The following TTC28 variants were observed in gnomAD, a reference collection of about 807,000 sequenced individuals.
The protein encoded by TTC28 is tetratricopeptide repeat protein 28.
A neutral mutation model predicts 198.0 loss-of-function variants in TTC28; 61 were observed. The ratio of observed to expected loss-of-function variants is 0.31; its 90% CI spans 0.25 to 0.38. TTC28 has a LOEUF of 0.38. Ranked by LOEUF, TTC28 falls within the 10% of genes least tolerant of loss-of-function variation. TTC28 has a pLI of 1.00. For missense variants in TTC28, 2,678 were observed against 3,164.0 expected, an observed-to-expected ratio of 0.85 and a Z score of 3.69; for synonymous variants, 1,171 against 1,297.8, an observed-to-expected ratio of 0.90 and a Z score of 2.10.
intron 2 of TTC28, among the ~76,000 whole-genome samples, chr22:28,406,727 C>G (rs1437931340): frequency 6.6e-6 from 1 of 152,168 alleles, no homozygotes; most frequent in Admixed American, 6.5e-5. Flanking sequence ...AGGTCTAATC[C>G]TAGTCTTCTG....
At chr22:28,427,414 G>T (rs1301656047) in intron 2 of TTC28, among the ~76,000 whole-genome samples, 3 of 152,210 alleles carry the variant, frequency 2.0e-5, no homozygotes, top group South Asian at 2.1e-4. Flanking sequence ...AGCACTTTGG[G>T]AGGCCGAGGA....
rs2044929832 is a variant in TTC28, at chr22:28,297,791, C to A, written c.591G>T (p.Val197=). 6.4e-7 allele frequency: 1 copy of A among 1,551,636 alleles called. No homozygotes were observed. Among genetic ancestry groups the A allele is most frequent in the African/African-American group, 1.4e-5 (1 of 73,148 alleles). The change falls in exon 4 of 23, where the codon GTG becomes GTT. Residue 197 remains valine, a synonymous_variant. Transcript: ENST00000397906. Reference sequence around the variant, plus strand: ...GTTCCTGCCCAACCACAGACACGACCACAAAGGGACTCTTGTCCAGTTTCA... The same window carrying A: ...GTTCCTGCCCAACCACAGACACGACAACAAAGGGACTCTTGTCCAGTTTCA... ...QKMKLDKSPF[V]VVSVVGQELL... is the part of the protein sequence containing the mutation.
chr22:28,172,547 G>A (rs1922783189), intron 5 of TTC28, among the ~76,000 whole-genome samples: 1 of 152,174 alleles, frequency 6.6e-6, no homozygotes, highest in African/African-American at 2.4e-5. Flanking sequence ...TTCTCTAAAT[G>A]CCAGGGAGAC....
chr22:28,388,170 T>C (rs1242394753), intron 2 of TTC28, among the ~76,000 whole-genome samples: 4 of 152,222 alleles, frequency 2.6e-5, no homozygotes, highest in African/African-American at 4.8e-5. Flanking sequence ...TGCGGCGTTA[T>C]TTCTGAGGGC....
chr22:28,671,552 G>A (rs1375328708), intron 1 of TTC28, among the ~76,000 whole-genome samples: 2 of 149,134 alleles, frequency 1.3e-5, no homozygotes, highest in South Asian at 2.1e-4. Flanking sequence ...GGAGAATGGC[G>A]TGAACCCGGT....
chr22:28,420,211 C>T (rs2047227120), intron 2 of TTC28, among the ~76,000 whole-genome samples: 1 of 152,144 alleles, frequency 6.6e-6, no homozygotes, highest in Non-Finnish European at 1.5e-5. Flanking sequence ...GTAATAAACA[C>T]GCCTATTTCT....
chr22:28,147,047 T>A lies in TTC28; in HGVS notation c.1441+16045A>T, dbSNP rs564018997. Among the ~76,000 whole-genome samples, 3 of 152,310 alleles carry A rather than the reference T, an allele frequency of 2.0e-5. No individual in the cohort carries two copies. In the East Asian group the frequency reaches 5.8e-4, roughly 29 times the overall value. On this transcript the variant is annotated intron_variant, in intron 6 of 22. Transcript: ENST00000397906. Reference sequence around the variant, plus strand: ...TCTGTTGAAAACTGAGAGCCTGTATTCAGGAGCTAACAAAGCTATTTGAAA... The same window carrying A: ...TCTGTTGAAAACTGAGAGCCTGTATACAGGAGCTAACAAAGCTATTTGAAA...
intron 13 of TTC28, among the ~76,000 whole-genome samples, chr22:28,022,589 T>C (rs9620762): frequency 0.08 from 12,133 of 152,216 alleles, 518 homozygotes; most frequent in South Asian, 0.091. Context: ...ACCTGGCAGA[T>C]TGTCAGTGTA....
In TTC28 at chr22:27,993,419, G is replaced by C; in HGVS notation, c.5344C>G (p.Gln1782Glu). 6.4e-7 allele frequency: 1 copy of C among 1,551,464 alleles called. No homozygotes were observed. The highest frequency in any genetic ancestry group is 8.7e-7 in the Non-Finnish European group (1 of 1,147,000). The stretch of plus-strand genomic sequence containing the variant: ...AAGCCCACAGCGGTGAGGAGGGCCT[G>C]CCAGCCAGGGATGCCGCCCACTTTG... ...ENKVGGIPGW[Q>E]ALLTAVGFRL... is the part of the protein sequence containing the mutation. Residue 1782 changes from glutamine to glutamate, a missense_variant, in exon 18 of 23, where the codon CAG becomes GAG. Gln to Glu is a conservative substitution (Grantham distance 29, BLOSUM62 2). Transcript: ENST00000397906.
At chr22:28,158,554 T>C (rs1221923746) in intron 6 of TTC28, among the ~76,000 whole-genome samples, 1 of 152,132 alleles carries the variant, frequency 6.6e-6, no homozygotes, top group Non-Finnish European at 1.5e-5. Context: ...TGTAATGGTA[T>C]AAAAACAGAC....
intron 5 of TTC28, among the ~76,000 whole-genome samples, chr22:28,271,089 C>T (rs924973502): frequency 5.3e-5 from 8 of 151,506 alleles, no homozygotes; most frequent in Middle Eastern, 3.4e-3. Context: ...AAATCCAAGA[C>T]AATATTCTTT....
At chr22:28,298,296 G>T (rs748289528) in intron 3 of TTC28, among the ~76,000 whole-genome samples, 17 of 152,096 alleles carry the variant, frequency 1.1e-4, no homozygotes, top group Non-Finnish European at 7.4e-5. Flanking sequence ...AACTATTTTA[G>T]AATTGTTCTA....
chr22:28,366,652 T>C (rs2046251396), intron 2 of TTC28, among the ~76,000 whole-genome samples: 1 of 151,936 alleles, frequency 6.6e-6, no homozygotes, highest in South Asian at 2.1e-4. Flanking sequence ...AGAAGCTGAA[T>C]GGATGAGAAA....
chr22:28,625,863 A>G (rs966328471), intron 2 of TTC28, among the ~76,000 whole-genome samples: 3 of 152,210 alleles, frequency 2.0e-5, no homozygotes, highest in Non-Finnish European at 2.9e-5. Context: ...TCAGTGAAAT[A>G]GAGAATCTAG....
At chr22:28,186,308 C>A (rs1198295969) in intron 5 of TTC28, among the ~76,000 whole-genome samples, 1 of 152,048 alleles carries the variant, frequency 6.6e-6, no homozygotes, top group East Asian at 1.9e-4. Flanking sequence ...TTAATAGTAT[C>A]CTCAGGATTA....
chr22:28,615,527 T>C (rs781604067), intron 2 of TTC28, among the ~76,000 whole-genome samples: 6 of 152,062 alleles, frequency 3.9e-5, no homozygotes, highest in Non-Finnish European at 7.4e-5. Context: ...CTATTCACAA[T>C]AGCAAAGACT....
At chr22:28,461,611 T>C (rs1206185895) in intron 2 of TTC28, among the ~76,000 whole-genome samples, 1 of 152,080 alleles carries the variant, frequency 6.6e-6, no homozygotes, top group Non-Finnish European at 1.5e-5. Context: ...TAATTCTTAA[T>C]AGAGGCAGAG....
chr22:28,678,575 A>G (rs1413667802), intron 1 of TTC28, among the ~76,000 whole-genome samples: 1 of 152,206 alleles, frequency 6.6e-6, no homozygotes, highest in Non-Finnish European at 1.5e-5. Context: ...CCTAAAACAT[A>G]CTGAAAACAT....
At chr22:28,249,571 A>ATC (rs1204304395) in intron 5 of TTC28, among the ~76,000 whole-genome samples, 1 of 152,166 alleles carries the variant, frequency 6.6e-6, no homozygotes, top group Non-Finnish European at 1.5e-5. Context: ...ATGTCTTGCA[A>ATC]TCTCTAGTAG....
Sources: gnomAD v4.1 joint callset for allele counts (sites outside exome capture counted in the v4.1 genomes callset) on GRCh38, gnomAD v4.1.1 for gene constraint, MANE v1.5 for transcripts, NCBI Gene and HGNC (gene_info 2026-07-23, HGNC 2026-07-21) for gene names.